The following PSAP variants were observed in gnomAD, a reference collection of about 807,000 sequenced individuals.
PSAP encodes precursor of saposins.
In PSAP, 25 loss-of-function variants were observed where a neutral mutation model predicts 66.0. The observed-to-expected ratio is 0.38, with a 90% CI of 0.28 to 0.53. The LOEUF (loss-of-function observed/expected upper bound fraction) is 0.53, where lower values mean the gene tolerates loss of function less well. PSAP is among the 20% of genes least tolerant of loss of function. The pLI, the probability that PSAP is intolerant of heterozygous loss-of-function variation, is 0.83. For synonymous variants in PSAP, 273 were observed against 258.9 expected (o/e 1.05, Z -0.52); for missense variants, 649 against 668.8 (o/e 0.97, Z 0.33).
rs1298318487 is a variant in PSAP at position 71,819,763 on chromosome 10, C to T, written c.1143G>A (p.Val381=). The change falls in exon 10 of 14, where the codon GTG becomes GTA. Residue 381 remains valine (V), a synonymous_variant. Coordinates refer to ENST00000394936, the MANE Select transcript of PSAP (RefSeq NM_002778.4). ...ILLEEVSPEL[V]CSMLHLCSGT... is the part of the protein sequence containing the mutation. Reference sequence around the variant, plus strand: ...CAGAGCAGAGGTGCAGCATGCTGCACACCAGCTCAGGGCTGACCTCCTCCA... The same window carrying T: ...CAGAGCAGAGGTGCAGCATGCTGCATACCAGCTCAGGGCTGACCTCCTCCA... 3 of 1,614,116 alleles carry T rather than the reference C, an allele frequency of 1.9e-6. No individual in the cohort carries two copies. Among genetic ancestry groups the T allele is most frequent in the Non-Finnish European group, 2.5e-6 (3 of 1,180,024 alleles).
At chr10:71,849,754 C>T (rs1400701085) in intron 1 of PSAP, among the ~76,000 whole-genome samples, 1 of 152,150 alleles carries the variant, frequency 6.6e-6, no homozygotes, top group East Asian at 1.9e-4. Flanking sequence ...AGCGATCCTC[C>T]CACCTCGGTG....
intron 13 of PSAP, among the ~76,000 whole-genome samples, chr10:71,818,110 G>C (rs373455349): frequency 6.6e-6 from 1 of 152,264 alleles, no homozygotes; most frequent in African/African-American, 2.4e-5. Context: ...CCCACCCAGG[G>C]AAGCAGCACA....
At chr10:71,841,273 G>A (rs1842728767) in intron 1 of PSAP, among the ~76,000 whole-genome samples, 1 of 152,232 alleles carries the variant, frequency 6.6e-6, no homozygotes, top group Admixed American at 6.5e-5. Flanking sequence ...CTGCACATTT[G>A]CAGAAGATAA....
In PSAP at chr10:71,830,921, A is replaced by G. The variant is rs543866478; in HGVS notation, c.375+205T>C. 3.3e-5 allele frequency among the ~76,000 whole-genome samples: 5 copies of G among 152,254 alleles called. No individual in the cohort carries two copies. In the South Asian group the frequency reaches 1.0e-3, roughly 32 times the overall value. ...AGTCCGACCAGTCCCCAGCAGCCGC[A>G]CCCTCGCTAACCCCAGGGCAAGTTA... is the stretch of plus-strand genomic sequence containing the variant. On this transcript the variant is annotated intron_variant, in intron 4 of 13. Transcript: ENST00000394936.
At chr10:71,835,835 AAAAAC>A (rs1377672932) in intron 1 of PSAP, among the ~76,000 whole-genome samples, 3 of 135,164 alleles carry the variant, frequency 2.2e-5, no homozygotes, top group Non-Finnish European at 3.1e-5. Flanking sequence ...AAAAAAAAAA[AAAAAC>A]AAAACACAAT....
chr10:71,834,627 C>G lies in PSAP; in HGVS notation c.41-122G>C, dbSNP rs532609135. On this transcript the variant is annotated intron_variant, in intron 1 of 13. Coordinates refer to ENST00000394936, the MANE Select transcript of PSAP (RefSeq NM_002778.4). ...TGGACTCTGCTACTCAGCCCCTCAC[C>G]AAGCTGTATGGGACACCAGCCACAC... 2.2e-5 allele frequency: 29 copies of G among 1,294,826 alleles called. No homozygotes were observed. In the South Asian group the frequency reaches 3.4e-4, roughly 15 times the overall value. 80.2% of individuals were successfully genotyped at this position (1,294,826 alleles called of 1,614,324 possible).
chr10:71,847,244 C>T (rs1031515790), intron 1 of PSAP, among the ~76,000 whole-genome samples: 6 of 152,138 alleles, frequency 3.9e-5, no homozygotes, highest in Non-Finnish European at 8.8e-5. Context: ...TACTTGAGGT[C>T]AGGAGTTCAA....
chr10:71,828,725 T>C, intron 5 of PSAP, 152 bp downstream of exon 5: 1 of 760,318 alleles, frequency 1.3e-6, no homozygotes. Flanking sequence ...AACTTCATGG[T>C]ACAACCATTT....
intron 9 of PSAP, 141 bp from the exon 10 acceptor site, chr10:71,820,041 C>T (rs1445867755): frequency 4.3e-6 from 4 of 934,368 alleles, no homozygotes; most frequent in Non-Finnish European, 5.1e-6. Flanking sequence ...AACTACAAAG[C>T]AGGGCAATGG....
chr10:71,840,237 C>CAG (rs1842710794), intron 1 of PSAP, among the ~76,000 whole-genome samples: 1 of 151,776 alleles, frequency 6.6e-6, no homozygotes, highest in South Asian at 2.1e-4. Flanking sequence ...TGCTGACAAT[C>CAG]AGAGCCTACA....
At position 71,827,915 on chromosome 10, in the gene PSAP, GA is replaced by G. The variant is rs1006359153; in HGVS notation, c.720+98del. ...ACTACCTATTCAAGCTGCTTTCTGGGAAAAAAGAGAAGGATGTTGTCTGAAC... is the reference window on the plus strand; with the variant it reads ...ACTACCTATTCAAGCTGCTTTCTGGGAAAAAGAGAAGGATGTTGTCTGAAC... On this transcript the variant is annotated intron_variant, in intron 6 of 13. Coordinates refer to ENST00000394936, the MANE Select transcript of PSAP (RefSeq NM_002778.4). 3.0e-5 allele frequency: 46 copies of G among 1,523,484 alleles called. 1 individual carries two copies. The East Asian group carries it at 1.1e-3, about 35-fold the overall frequency. 94.4% of individuals were successfully genotyped at this position (1,523,484 alleles called of 1,614,324 possible). A position where few individuals can be genotyped will look rare whatever the true frequency, so the allele number is the denominator to read the frequency against.
rs764451605 is a variant in PSAP, at chr10:71,816,716, C to T, written c.*725G>A. 33 of 269,800 alleles carry T rather than the reference C, an allele frequency of 1.2e-4. No homozygotes were observed. The highest frequency in any genetic ancestry group is 2.2e-4 in the African/African-American group (10 of 45,924). The allele number at this position is 269,800 out of a possible 1,614,324, so 16.7% of individuals were successfully genotyped here. A position where few individuals can be genotyped will look rare whatever the true frequency, so the allele number is the denominator to read the frequency against. On this transcript the variant is annotated 3_prime_UTR_variant, in exon 14 of 14. Coordinates refer to ENST00000394936, the MANE Select transcript of PSAP (RefSeq NM_002778.4). ...ACACAAGCCAGGCCCGCAGGGCCTT[C>T]GGAGAGCTAGCAGGTTACATTCAGG...
In PSAP at chr10:71,819,486, C is replaced by A. The variant is rs1842249121; in HGVS notation, c.1329G>T (p.Leu443=). 6.2e-7 allele frequency: 1 copy of A among 1,614,232 alleles called. No homozygotes were observed. The highest frequency in any genetic ancestry group is 8.5e-7 in the Non-Finnish European group (1 of 1,180,044). Residue 443 remains leucine, a synonymous_variant, in exon 11 of 14, where the codon CTG becomes CTT. Coordinates refer to ENST00000394936, the MANE Select transcript of PSAP (RefSeq NM_002778.4). ...GTACCTGCTTCTGGTAAGGGTCTGGCAGGAAGCTGCAGCCTTTCTCAAGAG... is the reference window on the plus strand; with the variant it reads ...GTACCTGCTTCTGGTAAGGGTCTGGAAGGAAGCTGCAGCCTTTCTCAAGAG... ...LAALEKGCSF[L]PDPYQKQCDQ...
At chr10:71,829,127 A>G in intron 4 of PSAP, 50 bp from the exon 5 acceptor site, 1 of 1,547,572 alleles carries the variant, frequency 6.5e-7, no homozygotes, top group Non-Finnish European at 8.9e-7. Context: ...CCAGGGGAAA[A>G]TAAGACAGGC....
At chr10:71,849,743 A>C (rs1842891592) in intron 1 of PSAP, among the ~76,000 whole-genome samples, 1 of 152,136 alleles carries the variant, frequency 6.6e-6, no homozygotes. Context: ...TCCTAGGCTC[A>C]AGCGATCCTC....
At chr10:71,839,647 CA>C (rs1842693967) in intron 1 of PSAP, among the ~76,000 whole-genome samples, 1 of 151,868 alleles carries the variant, frequency 6.6e-6, no homozygotes, top group South Asian at 2.1e-4. Context: ...TTTGAGCTCA[CA>C]AATCAAGACC....
chr10:71,848,915 C>T (rs181081449), intron 1 of PSAP, among the ~76,000 whole-genome samples: 9 of 152,274 alleles, frequency 5.9e-5, no homozygotes, highest in Middle Eastern at 3.4e-3. Context: ...CCCATTTACC[C>T]GAGTGTTCAC....
intron 6 of PSAP, among the ~76,000 whole-genome samples, chr10:71,827,681 C>T (rs1357295185): frequency 7.4e-5 from 11 of 149,344 alleles, no homozygotes; most frequent in African/African-American, 2.7e-4. Flanking sequence ...GAGCTGAGAT[C>T]ACGCCACTGC....
Position 71,821,990 on chromosome 10 carries a change from AC to A in PSAP, c.794del (p.Cys265LeufsTer10), listed in dbSNP as rs1842310280. On this transcript the variant is annotated frameshift_variant, in exon 8 of 14. Coordinates refer to ENST00000394936, the MANE Select transcript of PSAP (RefSeq NM_002778.4). LOFTEE classifies it high-confidence loss of function. ...MMMHMQPKEI[C>X]ALVGFCDEVK... ...CCTCATCACAGAACCCAACCAGCGCACAGATCTCCTTGGGTTGCTGAAGAGA... is the reference window on the plus strand; with the variant it reads ...CCTCATCACAGAACCCAACCAGCGCAAGATCTCCTTGGGTTGCTGAAGAGA... 1 of 1,614,032 alleles carries A rather than the reference AC, an allele frequency of 6.2e-7. No homozygotes were observed. The highest frequency in any genetic ancestry group is 8.5e-7 in the Non-Finnish European group (1 of 1,180,014).
Sources: allele counts gnomAD v4.1 joint callset (sites outside exome capture counted in the v4.1 genomes callset), GRCh38; gene constraint gnomAD v4.1.1; transcripts MANE v1.5; gene names NCBI Gene and HGNC (gene_info 2026-07-23, HGNC 2026-07-21).